Variants in KBTBD2 observed in about 807,000 individuals in gnomAD.
The protein encoded by KBTBD2 is kelch repeat and BTB domain-containing protein 2.
In KBTBD2, 17 loss-of-function variants were observed where a neutral mutation model predicts 57.1. That is an observed-to-expected ratio of 0.30 (90% CI 0.20 to 0.45). KBTBD2 has a LOEUF of 0.45. KBTBD2 is among the 20% of genes least tolerant of loss of function. KBTBD2 has a pLI of 1.00. For missense variants in KBTBD2, 515 were observed against 750.6 expected, an observed-to-expected ratio of 0.69 and a Z score of 3.67; for synonymous variants, 267 against 262.7, an observed-to-expected ratio of 1.02 and a Z score of -0.16.
chr7:32,887,023 T>C (rs957932654), intron 1 of KBTBD2, among the ~76,000 whole-genome samples: 8 of 152,344 alleles, frequency 5.3e-5, no homozygotes, highest in Non-Finnish European at 1.2e-4. Context: ...TTTTCATTCC[T>C]AGAGGTGTGT....
intron 2 of KBTBD2, 141 bp downstream of exon 2, chr7:32,879,294 G>GC (rs1321723307): frequency 1.7e-6 from 1 of 591,730 alleles, no homozygotes; most frequent in Admixed American, 3.3e-5. Context: ...TCTTACACAT[G>GC]CAAGAATGAG....
intron 1 of KBTBD2, among the ~76,000 whole-genome samples, chr7:32,884,448 G>C (rs1355321918): frequency 6.6e-6 from 1 of 150,586 alleles, no homozygotes; most frequent in Non-Finnish European, 1.5e-5. Context: ...CCAGCACTTT[G>C]GGAGGCTGAG....
chr7:32,870,765 C>T lies in KBTBD2; in HGVS notation c.452G>A (p.Ser151Asn), dbSNP rs989837668. The change falls in exon 4 of 4, where the codon AGT becomes AAT. Residue 151 changes from serine to asparagine, a missense_variant. By Grantham distance (46) the Ser-to-Asn change is conservative (BLOSUM62 1). Transcript: ENST00000304056. Reference sequence around the variant, plus strand: ...CTTGTGCTCCACCATTCTTTTAGCACTCTGTTTTAATTCCTCACAACTGAA... The same window carrying T: ...CTTGTGCTCCACCATTCTTTTAGCATTCTGTTTTAATTCCTCACAACTGAA... ...DLFSCEELKQSAKRMVEHKFT... is the reference protein window; with the variant it reads ...DLFSCEELKQNAKRMVEHKFT... The T allele has an allele frequency of 1.2e-6, 2 of 1,613,940 alleles. No homozygotes were observed. The highest frequency in any genetic ancestry group is 1.7e-6 in the Non-Finnish European group (2 of 1,179,990).
chr7:32,882,679 A>T (rs1784473282), intron 1 of KBTBD2, among the ~76,000 whole-genome samples: 1 of 152,230 alleles, frequency 6.6e-6, no homozygotes, highest in Non-Finnish European at 1.5e-5. Flanking sequence ...TAAATAAACA[A>T]GTACAATTAA....
chr7:32,871,372 A>G (rs1784173680), intron 3 of KBTBD2, among the ~76,000 whole-genome samples: 1 of 152,224 alleles, frequency 6.6e-6, no homozygotes, highest in Admixed American at 6.5e-5. Flanking sequence ...TCTTATCGAG[A>G]GGTAAGATAA....
chr7:32,880,201 T>C (rs1784412516), intron 1 of KBTBD2, among the ~76,000 whole-genome samples: 1 of 152,136 alleles, frequency 6.6e-6, no homozygotes, highest in South Asian at 2.1e-4. Context: ...AACGAACACA[T>C]GAATAAGTAC....
At chr7:32,886,973 A>G (rs1784596066) in intron 1 of KBTBD2, among the ~76,000 whole-genome samples, 1 of 148,874 alleles carries the variant, frequency 6.7e-6, no homozygotes, top group African/African-American at 2.4e-5. Context: ...GGGGGAGGCA[A>G]TGAGGGGGGA....
At chr7:32,881,849 T>C (rs1488804371) in intron 1 of KBTBD2, among the ~76,000 whole-genome samples, 1 of 152,206 alleles carries the variant, frequency 6.6e-6, no homozygotes, top group Admixed American at 6.5e-5. Flanking sequence ...AATCCCTTAT[T>C]CAAAACTCTT....
At chr7:32,885,162 C>T (rs1220020812) in intron 1 of KBTBD2, among the ~76,000 whole-genome samples, 1 of 151,214 alleles carries the variant, frequency 6.6e-6, no homozygotes, top group Admixed American at 6.6e-5. Context: ...AGGTGTGAAC[C>T]GCCGCACCTG....
At chr7:32,891,389 C>T (rs1041549098) in intron 1 of KBTBD2, 147 bp downstream of exon 1, 3 of 149,118 alleles carry the variant, frequency 2.0e-5, no homozygotes, top group Non-Finnish European at 3.0e-5. Context: ...GCGGAAGCGT[C>T]TCGGGTTTGA....
At chr7:32,881,599 G>A (rs1023898296) in intron 1 of KBTBD2, among the ~76,000 whole-genome samples, 1 of 152,150 alleles carries the variant, frequency 6.6e-6, no homozygotes, top group African/African-American at 2.4e-5. Flanking sequence ...AACTTTGAAA[G>A]TAACTAAAAC....
intron 1 of KBTBD2, among the ~76,000 whole-genome samples, chr7:32,886,113 T>C (rs2127956775): frequency 6.6e-6 from 1 of 152,224 alleles, no homozygotes; most frequent in African/African-American, 2.4e-5. Context: ...TTTCACCACG[T>C]TGGCCAAGTT....
intron 1 of KBTBD2, among the ~76,000 whole-genome samples, chr7:32,888,532 G>A (rs1784639381): frequency 6.6e-6 from 1 of 151,488 alleles, no homozygotes; most frequent in African/African-American, 2.4e-5. Flanking sequence ...AGTTGTGACA[G>A]GCATCAATTA....
intron 2 of KBTBD2, among the ~76,000 whole-genome samples, chr7:32,877,926 T>C (rs991424878): frequency 5.3e-5 from 8 of 151,448 alleles, no homozygotes; most frequent in African/African-American, 1.9e-4. Context: ...GTGGGCAACA[T>C]GGTGAAACCC....
At chr7:32,888,677 A>G (rs909589152) in intron 1 of KBTBD2, among the ~76,000 whole-genome samples, 1 of 150,928 alleles carries the variant, frequency 6.6e-6, no homozygotes, top group Middle Eastern at 3.4e-3. Flanking sequence ...CCTGGGCGAC[A>G]CAGCGAGACT....
At chr7:32,872,714 C>CA (rs1447800123) in intron 3 of KBTBD2, among the ~76,000 whole-genome samples, 1 of 152,108 alleles carries the variant, frequency 6.6e-6, no homozygotes, top group Non-Finnish European at 1.5e-5. Context: ...ATTCAAAATC[C>CA]AAAATGCTCC....
chr7:32,888,694 CAAA>C lies in KBTBD2; in HGVS notation c.-339+2839_-339+2841del, dbSNP rs1229378677. ...TGGGCGACACAGCGAGACTCCGTCC[CAAA>C]AAAAAAAAAAAAAAAATTTCAGCAT... On this transcript the variant is annotated intron_variant, in intron 1 of 3. Transcript: ENST00000304056. Among the ~76,000 whole-genome samples the C allele has an allele frequency of 5.9e-4, 58 of 98,464 alleles. No homozygotes were observed. The East Asian group carries it at 0.014, about 24-fold the overall frequency. The allele number at this position is 98,464 out of a possible 152,430, so 64.6% of individuals were successfully genotyped here. A position where few individuals can be genotyped will look rare whatever the true frequency, so the allele number is the denominator to read the frequency against.
intron 1 of KBTBD2, among the ~76,000 whole-genome samples, chr7:32,885,962 G>A (rs567898802): frequency 6.6e-6 from 1 of 150,672 alleles, no homozygotes; most frequent in African/African-American, 2.4e-5. Flanking sequence ...AGGCTGGAGT[G>A]CAATGGTGTG....
intron 3 of KBTBD2, among the ~76,000 whole-genome samples, chr7:32,873,055 C>A (rs142691893): frequency 6.6e-6 from 1 of 152,056 alleles, no homozygotes; most frequent in Admixed American, 6.6e-5. Flanking sequence ...ACAAATATCA[C>A]GAACAGTGCT....
Sources: allele counts gnomAD v4.1 joint callset (sites outside exome capture counted in the v4.1 genomes callset), GRCh38; gene constraint gnomAD v4.1.1; transcripts MANE v1.5; gene names NCBI Gene and HGNC (gene_info 2026-07-23, HGNC 2026-07-21).